ADARB2: variants seen among roughly 807,000 people sequenced by gnomAD.
ADARB2 encodes the protein adenosine deaminase RNA specific B2 (inactive).
Under a neutral mutation model 62.2 loss-of-function variants are expected in ADARB2, and 25 were observed. That is an observed-to-expected ratio of 0.40 (90% CI 0.29 to 0.56). The LOEUF (loss-of-function observed/expected upper bound fraction) is 0.56, where lower values mean the gene tolerates loss of function less well. Among genes scored for constraint, ADARB2 ranks in the 20% least tolerant of loss-of-function variants. The pLI, the probability that ADARB2 is intolerant of heterozygous loss-of-function variation, is 0.43. For missense variants in ADARB2, 1,071 were observed against 1,077.4 expected, an observed-to-expected ratio of 0.99 and a Z score of 0.08; for synonymous variants, 572 against 500.8, an observed-to-expected ratio of 1.14 and a Z score of -1.90.
chr10:1,635,054 G>A (rs925388931), intron 1 of ADARB2, among the ~76,000 whole-genome samples: 7 of 152,178 alleles, frequency 4.6e-5, no homozygotes. Context: ...ATTAACTAAA[G>A]TAAGTGTATT....
At chr10:1,329,980 G>A (rs1831914121) in intron 3 of ADARB2, among the ~76,000 whole-genome samples, 1 of 148,188 alleles carries the variant, frequency 6.7e-6, no homozygotes, top group African/African-American at 2.5e-5. Context: ...AGATAGGACG[G>A]GAATGTTTTC....
chr10:1,333,743 T>A (rs1456033002), intron 3 of ADARB2, among the ~76,000 whole-genome samples: 1 of 152,132 alleles, frequency 6.6e-6, no homozygotes, highest in East Asian at 1.9e-4. Context: ...TGAGCTACTA[T>A]CTGTGGGGCC....
chr10:1,199,011 A>G (rs1269985961), intron 8 of ADARB2, among the ~76,000 whole-genome samples: 1 of 152,240 alleles, frequency 6.6e-6, no homozygotes, highest in Non-Finnish European at 1.5e-5. Context: ...AACGCGCAGA[A>G]AAAGAGTGCA....
At chr10:1,304,548 C>G (rs1255716689) in intron 3 of ADARB2, among the ~76,000 whole-genome samples, 1 of 152,168 alleles carries the variant, frequency 6.6e-6, no homozygotes, top group Non-Finnish European at 1.5e-5. Flanking sequence ...ACAGAACTCT[C>G]CACCCCAAAT....
intron 1 of ADARB2, among the ~76,000 whole-genome samples, chr10:1,651,139 T>C (rs1834104526): frequency 6.6e-6 from 1 of 152,150 alleles, no homozygotes; most frequent in Non-Finnish European, 1.5e-5. Context: ...GAATGACAAA[T>C]TGCCTCCCTG....
In ADARB2 at chr10:1,184,821, G is replaced by A. The variant is rs1008364857; in HGVS notation, c.2043+40C>T. 4.4e-6 allele frequency: 7 copies of A among 1,594,124 alleles called. No individual in the cohort carries two copies. In the Admixed American group the frequency reaches 5.1e-5, roughly 12 times the overall value. Reference sequence around the variant, plus strand: ...TTGCTCAGGGCTGGAGCCAGGGTCTGGCTGGGTCCAGTTTCCCTGCAAGGA... The same window carrying A: ...TTGCTCAGGGCTGGAGCCAGGGTCTAGCTGGGTCCAGTTTCCCTGCAAGGA... On this transcript the variant is annotated intron_variant, in intron 9 of 9. Coordinates refer to ENST00000381312, the MANE Select transcript of ADARB2 (RefSeq NM_018702.4).
At chr10:1,733,969 T>C (rs1328707374) in intron 1 of ADARB2, among the ~76,000 whole-genome samples, 1 of 151,478 alleles carries the variant, frequency 6.6e-6, no homozygotes, top group Non-Finnish European at 1.5e-5. Context: ...TTTGCCGCGA[T>C]GTAAAAATGA....
At chr10:1,270,077 G>T (rs1831246243) in intron 4 of ADARB2, among the ~76,000 whole-genome samples, 3 of 152,180 alleles carry the variant, frequency 2.0e-5, no homozygotes, top group African/African-American at 7.2e-5. Context: ...CCCACATTGG[G>T]AAGATCACAC....
chr10:1,241,282 T>C (rs1830918977), intron 5 of ADARB2, among the ~76,000 whole-genome samples: 1 of 151,826 alleles, frequency 6.6e-6, no homozygotes, highest in Non-Finnish European at 1.5e-5. Flanking sequence ...GAGCTGAGTG[T>C]GTTAAGGTGT....
intron 1 of ADARB2, among the ~76,000 whole-genome samples, chr10:1,646,368 C>A (rs1461860871): frequency 2.6e-5 from 4 of 152,160 alleles, no homozygotes; most frequent in Admixed American, 1.3e-4. Flanking sequence ...CTAGCCTGGG[C>A]TCTCTCTCTC....
intron 1 of ADARB2, among the ~76,000 whole-genome samples, chr10:1,437,499 C>G (rs1266526594): frequency 6.6e-6 from 1 of 152,184 alleles, no homozygotes; most frequent in African/African-American, 2.4e-5. Context: ...TTATTAGGAG[C>G]CCGAGTCAGG....
chr10:1,381,495 C>A (rs533548643), intron 1 of ADARB2, among the ~76,000 whole-genome samples: 7 of 152,320 alleles, frequency 4.6e-5, no homozygotes, highest in African/African-American at 1.4e-4. Flanking sequence ...TGCCTGCTGG[C>A]GGGTCAATGC....
At chr10:1,497,601 A>G (rs192393014) in intron 1 of ADARB2, among the ~76,000 whole-genome samples, 9 of 152,342 alleles carry the variant, frequency 5.9e-5, no homozygotes, top group Non-Finnish European at 4.4e-5. Flanking sequence ...AATTACATAT[A>G]TATGTACACA....
chr10:1,678,044 A>G, intron 1 of ADARB2: 1 of 453,924 alleles, frequency 2.2e-6, no homozygotes, highest in Non-Finnish European at 2.9e-6. Context: ...CACCAAGGGA[A>G]CAAACTGGAT....
At chr10:1,692,097 T>C (rs1834681102) in intron 1 of ADARB2, among the ~76,000 whole-genome samples, 1 of 152,186 alleles carries the variant, frequency 6.6e-6, no homozygotes, top group Admixed American at 6.5e-5. Context: ...TGAATCCCAT[T>C]GTGTGTTCAG....
intron 3 of ADARB2, among the ~76,000 whole-genome samples, chr10:1,318,000 A>G (rs888635569): frequency 1.7e-4 from 26 of 152,168 alleles, no homozygotes; most frequent in African/African-American, 6.3e-4. Flanking sequence ...CCTGATCTAT[A>G]AAAACACTAA....
chr10:1,537,664 G>C (rs970056800), intron 1 of ADARB2, among the ~76,000 whole-genome samples: 1 of 152,234 alleles, frequency 6.6e-6, no homozygotes, highest in Non-Finnish European at 1.5e-5. Context: ...CCTTTGCAGG[G>C]AGATGGATGA....
chr10:1,527,279 T>G (rs1832159636), intron 1 of ADARB2, among the ~76,000 whole-genome samples: 1 of 152,234 alleles, frequency 6.6e-6, no homozygotes, highest in Non-Finnish European at 1.5e-5. Flanking sequence ...TCTGCTAGTA[T>G]TTTAAATACA....
rs117356763 is a variant in ADARB2, at chr10:1,266,363, A to G, written c.1192+4592T>C. 1.8e-3 allele frequency among the ~76,000 whole-genome samples: 268 copies of G among 152,370 alleles called. 9 individuals carry two copies. In the East Asian group the frequency reaches 0.047, roughly 27 times the overall value. ...AGTAAATGGCTGTGGTAGTTGGCCA[A>G]GCATCCTGCTCTCTGGGGAGAATGC... On this transcript the variant is annotated intron_variant, in intron 4 of 9. Coordinates refer to ENST00000381312, the MANE Select transcript of ADARB2 (RefSeq NM_018702.4).
Sources: allele counts gnomAD v4.1 joint callset (sites outside exome capture counted in the v4.1 genomes callset), GRCh38; gene constraint gnomAD v4.1.1; transcripts MANE v1.5; gene names NCBI Gene and HGNC (gene_info 2026-07-23, HGNC 2026-07-21).